RSRC1: variants seen among roughly 807,000 people sequenced by gnomAD.
RSRC1 encodes the protein arginine and serine rich coiled-coil 1.
Under a neutral mutation model 49.1 loss-of-function variants are expected in RSRC1, and 39 were observed. That is an observed-to-expected ratio of 0.79 (90% CI 0.61 to 1.04). RSRC1 has a LOEUF of 1.04. Among genes scored for constraint, RSRC1 ranks in the 50% least tolerant of loss-of-function variants. The probability of loss-of-function intolerance (pLI) is 0.00; values close to 1 mark genes in which losing one functional copy is unlikely to be tolerated. For missense variants in RSRC1, 388 were observed against 402.4 expected (o/e 0.96, Z 0.31); for synonymous variants, 143 against 130.8 (o/e 1.09, Z -0.63).
At chr3:158,210,524 A>C (rs1463369766) in intron 4 of RSRC1, among the ~76,000 whole-genome samples, 1 of 151,978 alleles carries the variant, frequency 6.6e-6, no homozygotes, top group African/African-American at 2.4e-5. Context: ...AAGCAGGTAA[A>C]CAAATACATC....
intron 6 of RSRC1, among the ~76,000 whole-genome samples, chr3:158,357,531 T>C (rs910941551): frequency 6.6e-6 from 1 of 152,182 alleles, no homozygotes; most frequent in Non-Finnish European, 1.5e-5. Context: ...TGAGAACTTG[T>C]GGCATAGTAG....
chr3:158,493,156 T>A (rs1739157718), intron 7 of RSRC1, among the ~76,000 whole-genome samples: 1 of 152,154 alleles, frequency 6.6e-6, no homozygotes, highest in Non-Finnish European at 1.5e-5. Context: ...ATTTGTTAAA[T>A]CTCTTTTAAC....
chr3:158,402,192 C>T (rs74407673), intron 6 of RSRC1, among the ~76,000 whole-genome samples: 2,416 of 151,900 alleles, frequency 0.016, 84 homozygotes, highest in African/African-American at 0.055. Flanking sequence ...TGACATATGC[C>T]GCCCTCAGAG....
intron 6 of RSRC1, among the ~76,000 whole-genome samples, chr3:158,450,273 G>T (rs1736951361): frequency 6.7e-6 from 1 of 149,988 alleles, no homozygotes; most frequent in South Asian, 2.1e-4. Context: ...AAGGTTATCC[G>T]ATGAAAGTTT....
intron 5 of RSRC1, among the ~76,000 whole-genome samples, chr3:158,329,301 G>A (rs1461489910): frequency 2.6e-5 from 4 of 152,188 alleles, no homozygotes; most frequent in African/African-American, 9.7e-5. Context: ...CCTTTGGAGG[G>A]GGAGAGGTGC....
intron 3 of RSRC1, among the ~76,000 whole-genome samples, chr3:158,127,631 A>G (rs1382699372): frequency 6.6e-6 from 1 of 151,742 alleles, no homozygotes; most frequent in Non-Finnish European, 1.5e-5. Context: ...ATTGAGCTTT[A>G]AGACAACTGT....
At chr3:158,447,922 G>T (rs1165550668) in intron 6 of RSRC1, among the ~76,000 whole-genome samples, 1 of 151,720 alleles carries the variant, frequency 6.6e-6, no homozygotes, top group East Asian at 1.9e-4. Context: ...TAAAAAGATT[G>T]CTTACCAATA....
chr3:158,279,779 A>G (rs1726029755), intron 4 of RSRC1, among the ~76,000 whole-genome samples: 1 of 152,210 alleles, frequency 6.6e-6, no homozygotes, highest in South Asian at 2.1e-4. Context: ...CCCCCATGCC[A>G]CTTCCTCTTT....
At chr3:158,479,777 G>T (rs1738534852) in intron 7 of RSRC1, among the ~76,000 whole-genome samples, 1 of 151,970 alleles carries the variant, frequency 6.6e-6, no homozygotes, top group African/African-American at 2.4e-5. Context: ...GATATTGCCT[G>T]TAGGTATTAA....
chr3:158,123,764 G>A (rs551908679), intron 2 of RSRC1, 102 bp from the exon 3 acceptor site: 30 of 1,087,326 alleles, frequency 2.8e-5, no homozygotes, highest in Admixed American at 1.4e-4. Flanking sequence ...GAAACAGTGA[G>A]ACAGTAAAAA....
At chr3:158,235,547 G>A (rs1723192125) in intron 4 of RSRC1, among the ~76,000 whole-genome samples, 1 of 152,102 alleles carries the variant, frequency 6.6e-6, no homozygotes, top group African/African-American at 2.4e-5. Flanking sequence ...TACAAAATGT[G>A]CATATGCTAT....
At chr3:158,358,078 T>TA in intron 6 of RSRC1, among the ~76,000 whole-genome samples, 1 of 152,342 alleles carries the variant, frequency 6.6e-6, no homozygotes, top group Middle Eastern at 3.4e-3. Flanking sequence ...TTTAGTGGTA[T>TA]GATTCTGAAA....
intron 7 of RSRC1, among the ~76,000 whole-genome samples, chr3:158,511,466 G>T (rs1158805224): frequency 1.3e-5 from 2 of 152,062 alleles, no homozygotes; most frequent in East Asian, 3.8e-4. Flanking sequence ...CATTTTTTAT[G>T]GTTGCATAGT....
At chr3:158,216,562 G>A (rs974125126) in intron 4 of RSRC1, among the ~76,000 whole-genome samples, 4 of 151,298 alleles carry the variant, frequency 2.6e-5, no homozygotes, top group African/African-American at 7.3e-5. Context: ...GAGTAATCCG[G>A]GATAATATTA....
chr3:158,434,092 C>G (rs190053215), intron 6 of RSRC1, among the ~76,000 whole-genome samples: 1 of 151,930 alleles, frequency 6.6e-6, no homozygotes, highest in East Asian at 1.9e-4. Flanking sequence ...AATTAGATCA[C>G]TGCTATGCTA....
intron 5 of RSRC1, among the ~76,000 whole-genome samples, chr3:158,316,600 T>A (rs1728476215): frequency 6.6e-6 from 1 of 151,632 alleles, no homozygotes; most frequent in African/African-American, 2.4e-5. Flanking sequence ...GCCCGCCACC[T>A]CGCCCAGCTA....
At chr3:158,334,114 A>G (rs1008528389) in intron 5 of RSRC1, among the ~76,000 whole-genome samples, 3 of 152,220 alleles carry the variant, frequency 2.0e-5, no homozygotes, top group African/African-American at 7.2e-5. Flanking sequence ...TATGGCAGCA[A>G]AAAAAGAAGG....
chr3:158,407,492 C>T (rs1734211784), intron 6 of RSRC1, among the ~76,000 whole-genome samples: 1 of 152,128 alleles, frequency 6.6e-6, no homozygotes, highest in African/African-American at 2.4e-5. Context: ...CTAATAGACT[C>T]ATAGAACCTA....
chr3:158,252,336 T>TG (rs1335454010), intron 4 of RSRC1, among the ~76,000 whole-genome samples: 1 of 114,914 alleles, frequency 8.7e-6, no homozygotes, highest in Non-Finnish European at 1.8e-5. Flanking sequence ...TAATTTTTTG[T>TG]ATTTTTTTTA....
Sources: gnomAD v4.1 joint callset for allele counts (sites outside exome capture counted in the v4.1 genomes callset) on GRCh38, gnomAD v4.1.1 for gene constraint, MANE v1.5 for transcripts, NCBI Gene and HGNC (gene_info 2026-07-23, HGNC 2026-07-21) for gene names.